CLIC5: variants seen among roughly 807,000 people sequenced by gnomAD.
CLIC5 encodes the protein CLIC family member 5.
Under a neutral mutation model 24.7 loss-of-function variants are expected in CLIC5, and 20 were observed. The ratio of observed to expected loss-of-function variants is 0.81; its 90% CI spans 0.57 to 1.18. The LOEUF is 1.18. Among genes scored for constraint, CLIC5 ranks in the 50% most tolerant of loss-of-function variants. CLIC5 has a pLI of 0.00. For synonymous variants in CLIC5, 159 were observed against 135.6 expected, an observed-to-expected ratio of 1.17 and a Z score of -1.20; for missense variants, 341 against 326.1, an observed-to-expected ratio of 1.05 and a Z score of -0.35.
At chr6:46,122,723 A>C in the CLIC5 span, among the ~76,000 whole-genome samples, 1 of 152,142 alleles carries the variant, frequency 6.6e-6, no homozygotes, top group Non-Finnish European at 1.5e-5. Flanking sequence ...AATCAAATAG[A>C]TGCAATAAAA....
chr6:46,044,858 C>A (rs1240101128), intron 1 of CLIC5, among the ~76,000 whole-genome samples: 2 of 152,176 alleles, frequency 1.3e-5, no homozygotes, highest in African/African-American at 4.8e-5. Context: ...CAAAATGTAT[C>A]TTGATCCATC....
upstream of CLIC5, among the ~76,000 whole-genome samples, chr6:46,083,476 C>A (rs1216566625): frequency 6.6e-6 from 1 of 152,166 alleles, no homozygotes; most frequent in Non-Finnish European, 1.5e-5. Context: ...TATGTTGTGT[C>A]TTTGTTCTTG....
intron 1 of CLIC5, among the ~76,000 whole-genome samples, chr6:46,055,301 C>T (rs1025747394): frequency 6.6e-6 from 1 of 152,208 alleles, no homozygotes; most frequent in African/African-American, 2.4e-5. Context: ...CGGTGTTTCA[C>T]CACGTTGGCC....
chr6:46,000,761 T>C (rs1001713982), intron 1 of CLIC5, among the ~76,000 whole-genome samples: 3 of 152,088 alleles, frequency 2.0e-5, no homozygotes, highest in African/African-American at 7.2e-5. Flanking sequence ...GAGAACAGCA[T>C]GGGGGAAACA....
At chr6:46,012,404 G>T (rs1409193268) in intron 1 of CLIC5, among the ~76,000 whole-genome samples, 1 of 152,188 alleles carries the variant, frequency 6.6e-6, no homozygotes. Context: ...ATTTCTTATT[G>T]TAGAAACTAA....
chr6:46,105,891 G>A, the CLIC5 span, among the ~76,000 whole-genome samples: 1 of 152,194 alleles, frequency 6.6e-6, no homozygotes, highest in Non-Finnish European at 1.5e-5. Flanking sequence ...AGGCGGCTAT[G>A]TATTTCTTTG....
chr6:45,949,272 T>C lies in CLIC5; in HGVS notation c.283A>G (p.Thr95Ala), dbSNP rs1466425424. Residue 95 changes from threonine (T) to alanine (A), a missense_variant, in exon 3 of 6, where the codon ACC becomes GCC. Coordinates refer to ENST00000339561, the MANE Select transcript of CLIC5 (RefSeq NM_016929.5). ...GATCCTTACTTTTCAGGGGTCAAGG[T>C]CTCCTCCAGGAACTCCTCGATCTTA... Reference protein sequence around the residue: ...VNKIEEFLEETLTPEKYPKLA... With the variant: ...VNKIEEFLEEALTPEKYPKLA... 6.2e-7 allele frequency: 1 copy of C among 1,613,494 alleles called. No homozygotes were observed. Among genetic ancestry groups the C allele is most frequent in the Non-Finnish European group, 8.5e-7 (1 of 1,179,670 alleles).
At chr6:46,055,998 A>G (rs1338462) in intron 1 of CLIC5, among the ~76,000 whole-genome samples, 107,002 of 152,000 alleles carry the variant, frequency 0.7, 38,031 homozygotes, top group African/African-American at 0.8. Flanking sequence ...AAGTTCTCTG[A>G]GTGTATGGTA....
At chr6:45,983,061 A>G (rs1765618303) in intron 1 of CLIC5, among the ~76,000 whole-genome samples, 1 of 152,212 alleles carries the variant, frequency 6.6e-6, no homozygotes, top group Non-Finnish European at 1.5e-5. Flanking sequence ...GGGAAATGGA[A>G]GAAAATGAAA....
upstream of CLIC5, among the ~76,000 whole-genome samples, chr6:46,018,221 G>GTTTTGGT (rs1024214099): frequency 3.9e-5 from 6 of 152,062 alleles, no homozygotes; most frequent in African/African-American, 7.2e-5. Flanking sequence ...GTCTTCGAGG[G>GTTTTGGT]TTTTGGTTTT....
At chr6:45,971,554 G>A (rs572730319) in intron 1 of CLIC5, among the ~76,000 whole-genome samples, 5 of 152,234 alleles carry the variant, frequency 3.3e-5, no homozygotes, top group East Asian at 1.9e-4. Context: ...GATGAACTTC[G>A]AGCATTAATG....
In CLIC5 at chr6:45,949,273, C is replaced by A; in HGVS notation, c.282G>T (p.Glu94Asp). ...DVNKIEEFLE[E>D]TLTPEKYPKL... ...ATCCTTACTTTTCAGGGGTCAAGGT[C>A]TCCTCCAGGAACTCCTCGATCTTAT... is the stretch of plus-strand genomic sequence containing the variant. The change falls in exon 3 of 6, where the codon GAG (glutamate) becomes GAT (aspartate). Residue 94 changes from glutamate to aspartate, a missense_variant. Glu to Asp is a conservative substitution (Grantham distance 45, BLOSUM62 2). Coordinates refer to ENST00000339561, the MANE Select transcript of CLIC5 (RefSeq NM_016929.5). The A allele has an allele frequency of 6.2e-7, 1 of 1,613,678 alleles. No homozygotes were observed. The highest frequency in any genetic ancestry group is 1.1e-5 in the South Asian group (1 of 90,996).
At chr6:46,118,643 T>C in the CLIC5 span, among the ~76,000 whole-genome samples, 1 of 152,230 alleles carries the variant, frequency 6.6e-6, no homozygotes, top group African/African-American at 2.4e-5. Context: ...GTCTACAAGA[T>C]AATATGATTT....
chr6:45,921,574 T>C (rs1446248348), intron 4 of CLIC5, among the ~76,000 whole-genome samples: 3 of 151,774 alleles, frequency 2.0e-5, no homozygotes, highest in African/African-American at 7.3e-5. Flanking sequence ...CTTGGGTTTA[T>C]GAGAGGATGA....
intron 1 of CLIC5, among the ~76,000 whole-genome samples, chr6:46,040,726 T>A (rs945012686): frequency 2.0e-5 from 3 of 152,136 alleles, no homozygotes; most frequent in African/African-American, 7.2e-5. Context: ...GTGGCTGTGG[T>A]GCAGGGGGCA....
intron 5 of CLIC5, among the ~76,000 whole-genome samples, chr6:45,907,702 T>C (rs1314965517): frequency 6.6e-6 from 1 of 152,168 alleles, no homozygotes; most frequent in Non-Finnish European, 1.5e-5. Context: ...TTCAATTTCA[T>C]AACTCAATTA....
chr6:46,013,000 A>G (rs1766860275), intron 1 of CLIC5, among the ~76,000 whole-genome samples: 1 of 152,244 alleles, frequency 6.6e-6, no homozygotes, highest in Admixed American at 6.5e-5. Context: ...TATCAGCAGT[A>G]GTAGTAACAG....
At chr6:46,052,892 G>C (rs1428565895) in intron 1 of CLIC5, among the ~76,000 whole-genome samples, 19 of 151,980 alleles carry the variant, frequency 1.3e-4, no homozygotes, top group Admixed American at 1.2e-3. Flanking sequence ...TCACCCCAAA[G>C]GAATGATGAT....
intron 1 of CLIC5, among the ~76,000 whole-genome samples, chr6:46,005,298 C>A (rs868645250): frequency 1.3e-5 from 2 of 152,104 alleles, no homozygotes; most frequent in African/African-American, 2.4e-5. Flanking sequence ...CATAGAATAA[C>A]GTTAAACAAA....
Sources: allele counts gnomAD v4.1 joint callset (sites outside exome capture counted in the v4.1 genomes callset), GRCh38; gene constraint gnomAD v4.1.1; transcripts MANE v1.5; gene names NCBI Gene and HGNC (gene_info 2026-07-23, HGNC 2026-07-21).